The following MYO16 variants were observed in gnomAD, a reference collection of about 807,000 sequenced individuals.
The protein encoded by MYO16 is myosin XVI.
MYO16 carries 94 observed loss-of-function variants against 205.3 expected under a neutral mutation model. The observed-to-expected ratio is 0.46, with a 90% CI of 0.39 to 0.54. The LOEUF is 0.54. MYO16 is among the 20% of genes least tolerant of loss of function. The pLI is 0.00. For missense variants in MYO16, 2,315 were observed against 2,387.5 expected, an observed-to-expected ratio of 0.97 and a Z score of 0.63; for synonymous variants, 988 against 954.0, an observed-to-expected ratio of 1.04 and a Z score of -0.66.
rs534127717 is a variant in MYO16 at position 108,608,001 on chromosome 13, T to C, written c.-39+11762T>C. Among the ~76,000 whole-genome samples, 4 of 152,328 alleles carry C rather than the reference T, an allele frequency of 2.6e-5. No homozygotes were observed. In the South Asian group the frequency reaches 6.2e-4, roughly 24 times the overall value. On this transcript the variant is annotated intron_variant, in intron 1 of 24. Coordinates refer to the MYO16 transcript ENST00000251041. ...GTCTAAAAACTGCCCATTTTAAAAA[T>C]AGGCAGTGTAAACATCATCAAGCTT...
chr13:109,012,538 C>T (rs1277913893), intron 22 of MYO16, among the ~76,000 whole-genome samples: 3 of 152,050 alleles, frequency 2.0e-5, no homozygotes, highest in Non-Finnish European at 4.4e-5. Context: ...AAATAAAGGG[C>T]ACAATAAATG....
chr13:109,138,022 G>A (rs926192950), intron 31 of MYO16, among the ~76,000 whole-genome samples: 1 of 152,192 alleles, frequency 6.6e-6, no homozygotes, highest in Non-Finnish European at 1.5e-5. Context: ...GTAGAGGAGG[G>A]CAGGGAACTT....
At chr13:109,072,190 ATC>A (rs1887943629) in intron 27 of MYO16, among the ~76,000 whole-genome samples, 1 of 152,090 alleles carries the variant, frequency 6.6e-6, no homozygotes, top group African/African-American at 2.4e-5. Flanking sequence ...CTCTTGGTAA[ATC>A]TCTCAAGGCG....
At chr13:108,959,846 CATT>C (rs888393418) in intron 17 of MYO16, among the ~76,000 whole-genome samples, 14 of 152,140 alleles carry the variant, frequency 9.2e-5, no homozygotes, top group African/African-American at 3.4e-4. Context: ...CTGTAATGCA[CATT>C]ATAGCTATTT....
rs1246935567 is a variant in MYO16 at position 108,676,370 on chromosome 13, CGCGTGT to C, written c.292+10223_292+10228del. ...TTCTGCTAATGTGTGATTATATGTA[CGCGTGT>C]GTGTGTGTGTGTGTGTGTGTGTGTG... is the stretch of plus-strand genomic sequence containing the variant. On this transcript the variant is annotated intron_variant, in intron 2 of 34. Transcript: ENST00000457511. Among the ~76,000 whole-genome samples the C allele has an allele frequency of 6.2e-4, 17 of 27,262 alleles. No homozygotes were observed. In the South Asian group the frequency reaches 0.032, roughly 51 times the overall value. The allele number at this position is 27,262 out of a possible 152,430, so 17.9% of individuals were successfully genotyped here.
intron 4 of MYO16, among the ~76,000 whole-genome samples, chr13:108,777,616 G>C (rs975683271): frequency 6.6e-6 from 1 of 152,112 alleles, no homozygotes; most frequent in Non-Finnish European, 1.5e-5. Context: ...CACCACAGTG[G>C]GCAAGAACAA....
intron 16 of MYO16, among the ~76,000 whole-genome samples, chr13:108,921,410 A>G (rs147133846): frequency 3.9e-5 from 6 of 152,268 alleles, no homozygotes; most frequent in East Asian, 3.9e-4. Context: ...ATTCTTACAC[A>G]TGATACATAA....
intron 33 of MYO16, among the ~76,000 whole-genome samples, chr13:109,167,740 G>A (rs1234954525): frequency 6.6e-6 from 1 of 152,172 alleles, no homozygotes; most frequent in African/African-American, 2.4e-5. Flanking sequence ...TTTAAAAGCA[G>A]TTAGAGGTAA....
chr13:109,094,710 C>T (rs1256077007), intron 27 of MYO16, among the ~76,000 whole-genome samples: 1 of 152,074 alleles, frequency 6.6e-6, no homozygotes, highest in African/African-American at 2.4e-5. Context: ...AGTGTGTTCT[C>T]ATTGTTCAAC....
chr13:108,655,266 C>T (rs1881192265), intron 1 of MYO16, among the ~76,000 whole-genome samples: 1 of 152,182 alleles, frequency 6.6e-6, no homozygotes, highest in African/African-American at 2.4e-5. Context: ...TGTCCTGCGT[C>T]CCAGCCTCTC....
In MYO16 at chr13:108,963,472, T is replaced by G. The variant is rs529522302; in HGVS notation, c.2227+977T>G. Reference sequence around the variant, plus strand: ...CCATTCCTACTGCCTTCCCTTCATTTTCATCAGCACTGCTGAATTTATCAT... The same window carrying G: ...CCATTCCTACTGCCTTCCCTTCATTGTCATCAGCACTGCTGAATTTATCAT... On this transcript the variant is annotated intron_variant, in intron 19 of 34. Transcript: ENST00000457511. Among the ~76,000 whole-genome samples the G allele has an allele frequency of 3.1e-3, 477 of 152,338 alleles. 3 individuals are homozygous for G. The highest frequency in any genetic ancestry group is 0.011 in the African/African-American group (451 of 41,578).
At chr13:108,798,449 C>A (rs1886858049) in intron 6 of MYO16, among the ~76,000 whole-genome samples, 1 of 152,078 alleles carries the variant, frequency 6.6e-6, no homozygotes, top group Non-Finnish European at 1.5e-5. Context: ...TAACATATCT[C>A]TTTTTAAAAG....
chr13:108,546,196 T>C, the MYO16 span, among the ~76,000 whole-genome samples: 1 of 152,134 alleles, frequency 6.6e-6, no homozygotes, highest in Non-Finnish European at 1.5e-5. Context: ...AGCCTAGAAG[T>C]GGCCTTGGAT....
intron 27 of MYO16, among the ~76,000 whole-genome samples, chr13:109,087,399 A>G (rs1888464972): frequency 6.6e-6 from 1 of 152,212 alleles, no homozygotes; most frequent in Non-Finnish European, 1.5e-5. Context: ...TAATCCCAGC[A>G]CTTTGGAAGG....
intron 23 of MYO16, among the ~76,000 whole-genome samples, chr13:109,041,508 C>T (rs1415623592): frequency 6.6e-6 from 1 of 152,104 alleles, no homozygotes; most frequent in East Asian, 1.9e-4. Context: ...GTTAATGGAA[C>T]GGAATAAGGA....
At chr13:108,947,555 G>T (rs1006528011) in intron 16 of MYO16, among the ~76,000 whole-genome samples, 1 of 152,192 alleles carries the variant, frequency 6.6e-6, no homozygotes, top group Non-Finnish European at 1.5e-5. Flanking sequence ...AATATCAGCA[G>T]TTCTGGGTGT....
chr13:108,752,808 ATTTT>A (rs58645882), intron 4 of MYO16, among the ~76,000 whole-genome samples: 114 of 90,584 alleles, frequency 1.3e-3, no homozygotes, highest in Admixed American at 3.2e-3. Context: ...TGCCCAGCTA[ATTTT>A]TTTTTTTTTT....
intron 20 of MYO16, among the ~76,000 whole-genome samples, chr13:108,976,432 A>G (rs535832957): frequency 6.6e-6 from 1 of 152,164 alleles, no homozygotes; most frequent in African/African-American, 2.4e-5. Context: ...TCTGATTAAA[A>G]CCAAACGTTT....
chr13:108,970,679 T>C (rs554894350), intron 20 of MYO16, among the ~76,000 whole-genome samples: 3 of 152,200 alleles, frequency 2.0e-5, no homozygotes, highest in Non-Finnish European at 4.4e-5. Context: ...TGACCCTTTC[T>C]CTTCAAATCC....
Sources: allele counts gnomAD v4.1 joint callset (sites outside exome capture counted in the v4.1 genomes callset), GRCh38; gene constraint gnomAD v4.1.1; transcripts MANE v1.5; gene names NCBI Gene and HGNC (gene_info 2026-07-23, HGNC 2026-07-21).